MAGI2: variants seen among roughly 807,000 people sequenced by gnomAD.
MAGI2 encodes membrane-associated guanylate kinase, WW and PDZ domain-containing protein 2.
MAGI2 carries 35 observed loss-of-function variants against 133.3 expected under a neutral mutation model. The ratio of observed to expected loss-of-function variants is 0.26; its 90% confidence interval spans 0.20 to 0.35. MAGI2 has a LOEUF of 0.35. Among genes scored for constraint, MAGI2 ranks in the 10% least tolerant of loss-of-function variants. MAGI2 has a pLI of 1.00. For missense variants in MAGI2, 1,636 were observed against 1,863.4 expected, an observed-to-expected ratio of 0.88 and a Z score of 2.25; for synonymous variants, 729 against 710.6, an observed-to-expected ratio of 1.03 and a Z score of -0.41.
At chr7:78,076,697 T>G (rs1339934113) in intron 21 of MAGI2, among the ~76,000 whole-genome samples, 1 of 145,612 alleles carries the variant, frequency 6.9e-6, no homozygotes, top group Non-Finnish European at 1.5e-5. Flanking sequence ...ATACAAAAAA[T>G]TAGCCGGGCG....
chr7:78,221,400 A>G (rs1392640413), intron 10 of MAGI2, among the ~76,000 whole-genome samples: 1 of 152,146 alleles, frequency 6.6e-6, no homozygotes, highest in Non-Finnish European at 1.5e-5. Flanking sequence ...TCTCAAATTA[A>G]CTTAGGTTGT....
At chr7:79,109,747 A>G (rs1481596846) in intron 1 of MAGI2, among the ~76,000 whole-genome samples, 1 of 152,150 alleles carries the variant, frequency 6.6e-6, no homozygotes. Flanking sequence ...AGCCAAGAAT[A>G]TGGAAAAAGT....
rs150838322 is a variant in MAGI2 at position 78,941,203 on chromosome 7, C to T, written c.418+65887G>A. ...CAGATCTCCAGGTCTTCCTTCAGTCCGTGAAATTTAGCATTGACAGGTTCA... is the reference window on the plus strand; with the variant it reads ...CAGATCTCCAGGTCTTCCTTCAGTCTGTGAAATTTAGCATTGACAGGTTCA... On this transcript the variant is annotated intron_variant, in intron 2 of 21. Coordinates refer to ENST00000354212, the MANE Select transcript of MAGI2 (RefSeq NM_012301.4). Among the ~76,000 whole-genome samples the T allele has an allele frequency of 8.4e-3, 1,281 of 152,216 alleles. 13 individuals are homozygous for T. Among genetic ancestry groups the T allele is most frequent in the African/African-American group, 0.026 (1,099 of 41,534 alleles).
intron 9 of MAGI2, among the ~76,000 whole-genome samples, chr7:78,278,148 T>C (rs1378052712): frequency 1.3e-5 from 2 of 152,118 alleles, no homozygotes; most frequent in African/African-American, 2.4e-5. Context: ...TAAGAGATGC[T>C]TATCCTGGGG....
intron 6 of MAGI2, among the ~76,000 whole-genome samples, chr7:78,420,855 T>C (rs764424850): frequency 6.6e-6 from 1 of 152,116 alleles, no homozygotes; most frequent in Non-Finnish European, 1.5e-5. Flanking sequence ...TTGAGCAAAG[T>C]TCTTGAAATG....
intron 1 of MAGI2, among the ~76,000 whole-genome samples, chr7:79,054,352 C>T (rs1812945680): frequency 1.3e-5 from 2 of 151,988 alleles, no homozygotes; most frequent in Non-Finnish European, 2.9e-5. Flanking sequence ...TTTATAGCTC[C>T]ATAAGATTCA....
rs976538398 is a variant in MAGI2 at position 78,860,008 on chromosome 7, C to G, written c.418+147082G>C. 3.3e-5 allele frequency among the ~76,000 whole-genome samples: 5 copies of G among 152,190 alleles called. No individual in the cohort carries two copies. In the East Asian group the frequency reaches 9.6e-4, roughly 29 times the overall value. ...TTCATTTGATCTTCAGTCACTGATA[C>G]TCTTTCTTCCACTTGATCAAATCAG... On this transcript the variant is annotated intron_variant, in intron 2 of 21. Transcript: ENST00000354212.
chr7:79,171,219 G>T (rs1171337669), intron 1 of MAGI2, among the ~76,000 whole-genome samples: 1 of 152,060 alleles, frequency 6.6e-6, no homozygotes, highest in African/African-American at 2.4e-5. Flanking sequence ...AGTAGGGAAG[G>T]ATTTGTTCCA....
At chr7:78,405,868 C>T (rs1797330170) in intron 6 of MAGI2, among the ~76,000 whole-genome samples, 1 of 151,754 alleles carries the variant, frequency 6.6e-6, no homozygotes, top group African/African-American at 2.4e-5. Flanking sequence ...AAACAATAAG[C>T]CTTTTAAGTT....
At chr7:78,712,156 A>G (rs1203825415) in intron 2 of MAGI2, among the ~76,000 whole-genome samples, 1 of 152,196 alleles carries the variant, frequency 6.6e-6, no homozygotes, top group Non-Finnish European at 1.5e-5. Flanking sequence ...GTTTGGCTAC[A>G]TATTGCTTGA....
At chr7:78,638,093 A>AG (rs1310695121) in intron 2 of MAGI2, among the ~76,000 whole-genome samples, 4 of 152,054 alleles carry the variant, frequency 2.6e-5, no homozygotes, top group Non-Finnish European at 4.4e-5. Flanking sequence ...AGAAAAGAAA[A>AG]AAAAAAGAAA....
At chr7:78,153,649 G>C (rs993810355) in intron 16 of MAGI2, among the ~76,000 whole-genome samples, 1 of 152,140 alleles carries the variant, frequency 6.6e-6, no homozygotes, top group Non-Finnish European at 1.5e-5. Flanking sequence ...AAAGGTAAAA[G>C]TAATAAAAGT....
chr7:78,846,418 T>C (rs144237090), intron 2 of MAGI2, among the ~76,000 whole-genome samples: 3 of 152,048 alleles, frequency 2.0e-5, no homozygotes, highest in Non-Finnish European at 4.4e-5. Context: ...AAATATAGAA[T>C]GCAAACAGTG....
chr7:78,144,418 G>T (rs1823079716), intron 16 of MAGI2, among the ~76,000 whole-genome samples: 1 of 152,114 alleles, frequency 6.6e-6, no homozygotes, highest in African/African-American at 2.4e-5. Context: ...TTATCCCAAA[G>T]TAGTTTTATT....
At chr7:79,447,072 G>C (rs1319780788) in intron 1 of MAGI2, among the ~76,000 whole-genome samples, 2 of 152,068 alleles carry the variant, frequency 1.3e-5, no homozygotes, top group Non-Finnish European at 2.9e-5. Flanking sequence ...ACTCAAAACA[G>C]TCAACAATAT....
chr7:78,664,898 C>A (rs1307305965), intron 2 of MAGI2, among the ~76,000 whole-genome samples: 1 of 151,950 alleles, frequency 6.6e-6, no homozygotes, highest in African/African-American at 2.4e-5. Flanking sequence ...AAAAACAAAA[C>A]AATCACTCAT....
At chr7:78,893,578 T>C (rs1796950461) in intron 2 of MAGI2, among the ~76,000 whole-genome samples, 1 of 152,156 alleles carries the variant, frequency 6.6e-6, no homozygotes, top group Non-Finnish European at 1.5e-5. Context: ...ATGTCCTTTG[T>C]AGGGACCTGG....
intron 6 of MAGI2, among the ~76,000 whole-genome samples, chr7:78,404,930 G>A (rs185236692): frequency 3.6e-4 from 55 of 152,170 alleles, no homozygotes; most frequent in African/African-American, 1.3e-3. Context: ...CTGACAAAGG[G>A]CTAATATCCA....
At chr7:79,235,480 G>C (rs753900875) in intron 1 of MAGI2, among the ~76,000 whole-genome samples, 3 of 152,224 alleles carry the variant, frequency 2.0e-5, no homozygotes, top group African/African-American at 7.2e-5. Flanking sequence ...AGCCAGGTGC[G>C]GGATATAATC....
Sources: gnomAD v4.1 joint callset for allele counts (sites outside exome capture counted in the v4.1 genomes callset) on GRCh38, gnomAD v4.1.1 for gene constraint, MANE v1.5 for transcripts, NCBI Gene and HGNC (gene_info 2026-07-23, HGNC 2026-07-21) for gene names.